Variants in ZKSCAN4 observed in about 807,000 individuals in gnomAD.
ZKSCAN4 encodes zinc finger with KRAB and SCAN domains 4, also known as zinc finger protein with KRAB and SCAN domains 4.
ZKSCAN4 carries 23 observed loss-of-function variants against 30.8 expected under a neutral mutation model. The ratio of observed to expected loss-of-function variants is 0.75; its 90% CI spans 0.54 to 1.06. The LOEUF (loss-of-function observed/expected upper bound fraction) is 1.06, where lower values mean the gene tolerates loss of function less well. ZKSCAN4 is among the 50% of genes least tolerant of loss of function. The pLI, the probability that ZKSCAN4 is intolerant of heterozygous loss-of-function variation, is 0.00. For synonymous variants in ZKSCAN4, 208 were observed against 252.5 expected, an observed-to-expected ratio of 0.82 and a Z score of 1.67; for missense variants, 556 against 665.4, an observed-to-expected ratio of 0.84 and a Z score of 1.81.
chr6:28,255,874 C>A (rs1486694637), upstream of ZKSCAN4, among the ~76,000 whole-genome samples: 1 of 152,004 alleles, frequency 6.6e-6, no homozygotes, highest in Non-Finnish European at 1.5e-5. Context: ...GAGTTAGAAT[C>A]CTTCATTAGA....
chr6:28,244,980 G>C lies in ZKSCAN4; in HGVS notation c.*136C>G. On this transcript the variant is annotated 3_prime_UTR_variant, in exon 5 of 5. Transcript: ENST00000377294. ...AGAAGATAACTCATCGTCTCAGCCA[G>C]ACTACATTTTCTAATACCCGATGAT... The C allele has an allele frequency of 8.9e-7, 1 of 1,121,964 alleles. No individual in the cohort carries two copies. The highest frequency in any genetic ancestry group is 1.3e-6 in the Non-Finnish European group (1 of 742,600). The allele number at this position is 1,121,964 out of a possible 1,614,324, so 69.5% of individuals were successfully genotyped here. A position where few individuals can be genotyped will look rare whatever the true frequency, so the allele number is the denominator to read the frequency against.
At chr6:28,248,841 AAAAGAAAAAAG>A (rs1200890687) in intron 2 of ZKSCAN4, among the ~76,000 whole-genome samples, 39 of 126,290 alleles carry the variant, frequency 3.1e-4, no homozygotes, top group Admixed American at 1.4e-3. Flanking sequence ...AAAAAAAAAA[AAAAGAAAAAAG>A]AAAAAGAAAA....
rs894371645 is a variant in ZKSCAN4 at position 28,243,287 on chromosome 6, G to A, written c.*1829C>T. Among the ~76,000 whole-genome samples, 6 of 152,192 alleles carry A rather than the reference G, an allele frequency of 3.9e-5. No individual in the cohort carries two copies. Among genetic ancestry groups the A allele is most frequent in the African/African-American group, 9.7e-5 (4 of 41,442 alleles). ...GGAATTAATAAAGGGAGAGCTCTACGGTTTTGTAAGTCTCTGGTCAGCCTG... is the reference window on the plus strand; with the variant it reads ...GGAATTAATAAAGGGAGAGCTCTACAGTTTTGTAAGTCTCTGGTCAGCCTG... On this transcript the variant is annotated 3_prime_UTR_variant, in exon 5 of 5. Transcript: ENST00000377294.
upstream of ZKSCAN4, among the ~76,000 whole-genome samples, chr6:28,256,342 C>T (rs1411071510): frequency 6.6e-6 from 1 of 152,024 alleles, no homozygotes. Context: ...AATGGAAGGA[C>T]CACTTAAGCC....
chr6:28,249,858 T>G lies in ZKSCAN4; in HGVS notation c.424-24A>C. ...ACCTAGAAGTCACGATTTTTAGTTA[T>G]CTACCCAACATTTCTATGTTTTCCA... On this transcript the variant is annotated intron_variant, in intron 1 of 4. Coordinates refer to ENST00000377294, the MANE Select transcript of ZKSCAN4 (RefSeq NM_019110.5). This position sits in a 1 kb window ranked among gnomAD's most constrained non-coding sequence, Gnocchi z 4.1. 2.5e-6 allele frequency: 4 copies of G among 1,612,186 alleles called. No individual in the cohort carries two copies. Among genetic ancestry groups the G allele is most frequent in the Non-Finnish European group, 3.4e-6 (4 of 1,179,382 alleles).
At chr6:28,258,353 G>A in the ZKSCAN4 span, among the ~76,000 whole-genome samples, 2 of 152,116 alleles carry the variant, frequency 1.3e-5, no homozygotes, top group Non-Finnish European at 2.9e-5. Flanking sequence ...AATGTGTATC[G>A]AGAAAGTGGT....
Position 28,251,834 on chromosome 6 carries a change from G to C in ZKSCAN4, c.147C>G (p.Pro49=), listed in dbSNP as rs375570190. Residue 49 remains proline (P), a synonymous_variant, in exon 1 of 5, where the codon CCC becomes CCG. Coordinates refer to ENST00000377294, the MANE Select transcript of ZKSCAN4 (RefSeq NM_019110.5). The surrounding 1 kb of genome is among the most constrained non-coding windows in gnomAD (Gnocchi z 4.5). ...CTCGGAAGCGCTGGCGGGAGCGTTC[G>C]GGGCCCCGAGCAGGGCTGCAGGGTG... ...VRAPCSPARG[P]ERSRQRFRGF... is the part of the protein sequence containing the mutation. 280 of 1,610,810 alleles carry C rather than the reference G, an allele frequency of 1.7e-4. No homozygotes were observed. The highest frequency in any genetic ancestry group is 1.7e-3 in the Middle Eastern group (10 of 6,034).
At position 28,245,386 on chromosome 6, in the gene ZKSCAN4, A is replaced by C; in HGVS notation, c.1368T>G (p.Asp456Glu). The C allele has an allele frequency of 6.2e-7, 1 of 1,614,230 alleles. No individual in the cohort carries two copies. The highest frequency in any genetic ancestry group is 8.5e-7 in the Non-Finnish European group (1 of 1,180,036). The change falls in exon 5 of 5, where the codon GAT becomes GAG. Residue 456 changes from aspartate to glutamate, a missense_variant. Asp to Glu is a conservative substitution (Grantham distance 45). Around this residue, in one of 3 missense-constraint regions of ZKSCAN4, gnomAD observed 433 missense variants for 511.5 expected, o/e 0.85. Transcript: ENST00000377294. Reference sequence around the variant, plus strand: ...CGTGCTCAGGATTCTGAACATTTTTATCACCATGAATCCTCTGATGTCTCA... The same window carrying C: ...CGTGCTCAGGATTCTGAACATTTTTCTCACCATGAATCCTCTGATGTCTCA... ...HLLRHQRIHG[D>E]KNVQNPEHGE...
chr6:28,245,096 G>C lies in ZKSCAN4; in HGVS notation c.*20C>G. 1 of 1,614,076 alleles carries C rather than the reference G, an allele frequency of 6.2e-7. No individual in the cohort carries two copies. The highest frequency in any genetic ancestry group is 2.2e-5 in the East Asian group (1 of 44,886). ...AGTTCAGTGACAAATGAGCACCAAT[G>C]TTGGCATGAATACCATGGGTCACTG... is the stretch of plus-strand genomic sequence containing the variant. On this transcript the variant is annotated 3_prime_UTR_variant, in exon 5 of 5. Transcript: ENST00000377294.
chr6:28,257,335 A>C, the ZKSCAN4 span, among the ~76,000 whole-genome samples: 1 of 152,326 alleles, frequency 6.6e-6, no homozygotes, highest in African/African-American at 2.4e-5. Context: ...TGGGAGTTTA[A>C]CAATGAGAAC....
Position 28,243,034 on chromosome 6 carries a change from T to TATTA in ZKSCAN4, c.*2081_*2082insTAAT, listed in dbSNP as rs878871258. ...GAAAAGTTAACAGAGTTGTCTGTAA[T>TATTA]GAGTTTGAGTGTGTAAAATCAGAGC... is the stretch of plus-strand genomic sequence containing the variant. On this transcript the variant is annotated 3_prime_UTR_variant, in exon 5 of 5. Coordinates refer to ENST00000377294, the MANE Select transcript of ZKSCAN4 (RefSeq NM_019110.5). Among the ~76,000 whole-genome samples, 1 of 152,326 alleles carries TATTA rather than the reference T, an allele frequency of 6.6e-6. No homozygotes were observed. Among genetic ancestry groups the TATTA allele is most frequent in the Admixed American group, 6.5e-5 (1 of 15,304 alleles).
upstream of ZKSCAN4, among the ~76,000 whole-genome samples, chr6:28,254,773 A>T (rs1171178639): frequency 6.6e-6 from 1 of 152,200 alleles, no homozygotes; most frequent in Non-Finnish European, 1.5e-5. Flanking sequence ...CATTTTCTTT[A>T]TCTGGAACTG....
At chr6:28,246,661 G>A (rs902087352) in intron 4 of ZKSCAN4, among the ~76,000 whole-genome samples, 3 of 151,408 alleles carry the variant, frequency 2.0e-5, no homozygotes, top group African/African-American at 4.9e-5. Flanking sequence ...CCCCCTCCCC[G>A]CAGCTTTCCT....
chr6:28,251,825 G>T lies in ZKSCAN4; in HGVS notation c.156C>A (p.Ser52=), dbSNP rs1761011780. Residue 52 remains serine, a synonymous_variant, in exon 1 of 5, where the codon TCC becomes TCA. Transcript: ENST00000377294. The surrounding 1 kb of genome is among the most constrained non-coding windows in gnomAD (Gnocchi z 4.5). Reference sequence around the variant, plus strand: ...AGCGGAAGCCTCGGAAGCGCTGGCGGGAGCGTTCGGGGCCCCGAGCAGGGC... The same window carrying T: ...AGCGGAAGCCTCGGAAGCGCTGGCGTGAGCGTTCGGGGCCCCGAGCAGGGC... ...PCSPARGPER[S]RQRFRGFRYP... The T allele has an allele frequency of 1.2e-6, 2 of 1,611,702 alleles. No individual in the cohort carries two copies. Among genetic ancestry groups the T allele is most frequent in the Non-Finnish European group, 1.7e-6 (2 of 1,178,482 alleles).
In ZKSCAN4 at chr6:28,249,804, G is replaced by A. The variant is rs1336415581; in HGVS notation, c.454C>T (p.Leu152Phe). Residue 152 changes from leucine to phenylalanine, a missense_variant, in exon 2 of 5, where the codon CTC becomes TTC. Coordinates refer to ENST00000377294, the MANE Select transcript of ZKSCAN4 (RefSeq NM_019110.5). The surrounding 1 kb of genome is among the most constrained non-coding windows in gnomAD (Gnocchi z 4.1). ...VPVGDQGQEL[L>F]CCKMALLTQT... ...GTCAATAGTGCCATCTTGCAACAGA[G>A]CAGTTCTTGCCCCTGGTCACCAACG... 1 of 1,614,080 alleles carries A rather than the reference G, an allele frequency of 6.2e-7. No homozygotes were observed. Among genetic ancestry groups the A allele is most frequent in the East Asian group, 2.2e-5 (1 of 44,866 alleles).
chr6:28,249,568 T>A lies in ZKSCAN4; in HGVS notation c.571+119A>T. On this transcript the variant is annotated intron_variant, in intron 2 of 4. Transcript: ENST00000377294. The surrounding 1 kb of genome is among the most constrained non-coding windows in gnomAD (Gnocchi z 4.1). ...TTGAAATTTCTCTTAGTCTCAGTCTTAAAATACAGCTCTCTGTGATGAGTA... is the reference window on the plus strand; with the variant it reads ...TTGAAATTTCTCTTAGTCTCAGTCTAAAAATACAGCTCTCTGTGATGAGTA... 1 of 1,242,278 alleles carries A rather than the reference T, an allele frequency of 8.0e-7. No homozygotes were observed. The highest frequency in any genetic ancestry group is 1.9e-5 in the South Asian group (1 of 52,510). The allele number at this position is 1,242,278 out of a possible 1,614,324, so 77.0% of individuals were successfully genotyped here.
rs1488970394 is a variant in ZKSCAN4 at position 28,245,379 on chromosome 6, C to G, written c.1375G>C (p.Val459Leu). 6.2e-7 allele frequency: 1 copy of G among 1,614,232 alleles called. No homozygotes were observed. Among genetic ancestry groups the G allele is most frequent in the Admixed American group, 1.7e-5 (1 of 60,032 alleles). The change falls in exon 5 of 5, where the codon GTT becomes CTT. Residue 459 changes from valine to leucine, a missense_variant. By Grantham distance (32) the Val-to-Leu change is conservative (BLOSUM62 1). Around this residue, in one of 3 missense-constraint regions of ZKSCAN4, gnomAD observed 433 missense variants for 511.5 expected, o/e 0.85. Transcript: ENST00000377294. ...RHQRIHGDKN[V>L]QNPEHGESWE... is the part of the protein sequence containing the mutation. ...GACTCCCCGTGCTCAGGATTCTGAACATTTTTATCACCATGAATCCTCTGA... is the reference window on the plus strand; with the variant it reads ...GACTCCCCGTGCTCAGGATTCTGAAGATTTTTATCACCATGAATCCTCTGA...
chr6:28,252,301 C>T (rs1227272175), upstream of ZKSCAN4: 2 of 211,398 alleles, frequency 9.5e-6, no homozygotes, highest in Non-Finnish European at 1.9e-5. Flanking sequence ...GGAACTAAGG[C>T]CACTTCCTGG....
chr6:28,245,846 T>G lies in ZKSCAN4; in HGVS notation c.908A>C (p.Gln303Pro), dbSNP rs770221327. 1 of 1,614,228 alleles carries G rather than the reference T, an allele frequency of 6.2e-7. No individual in the cohort carries two copies. Among genetic ancestry groups the G allele is most frequent in the South Asian group, 1.1e-5 (1 of 91,086 alleles). The stretch of plus-strand genomic sequence containing the variant: ...CTGCTTTCTTTGTAACCTGCCCTCC[T>G]GTTCACCAGCTTCTGCATGTGTAGG... Reference protein sequence around the residue: ...QIPTHAEAGEQEGRLQRKQKN... With the variant: ...QIPTHAEAGEPEGRLQRKQKN... The change falls in exon 5 of 5, where the codon CAG becomes CCG. Residue 303 changes from glutamine to proline, a missense_variant. Around this residue, in one of 3 missense-constraint regions of ZKSCAN4, gnomAD observed 433 missense variants for 511.5 expected, o/e 0.85. Coordinates refer to ENST00000377294, the MANE Select transcript of ZKSCAN4 (RefSeq NM_019110.5).
Sources: allele counts gnomAD v4.1 joint callset (sites outside exome capture counted in the v4.1 genomes callset), GRCh38; gene constraint gnomAD v4.1.1; regional missense constraint gnomAD v4.1.1; non-coding constraint Gnocchi (gnomAD v3.1); transcripts MANE v1.5; gene names NCBI Gene and HGNC (gene_info 2026-07-23, HGNC 2026-07-21).